PDE1A: variants seen among roughly 807,000 people sequenced by gnomAD.
PDE1A encodes the protein phosphodiesterase 1A.
Under a neutral mutation model 61.7 loss-of-function variants are expected in PDE1A, and 35 were observed. The ratio of observed to expected loss-of-function variants is 0.57; its 90% CI spans 0.43 to 0.75. The LOEUF (loss-of-function observed/expected upper bound fraction) is 0.75, where lower values mean the gene tolerates loss of function less well. Among genes scored for constraint, PDE1A ranks in the 30% least tolerant of loss-of-function variants. The probability of loss-of-function intolerance (pLI) is 0.00; values close to 1 mark genes in which losing one functional copy is unlikely to be tolerated. For synonymous variants in PDE1A, 232 were observed against 213.2 expected (o/e 1.09, Z -0.77); for missense variants, 597 against 630.6 (o/e 0.95, Z 0.57).
chr2:182,283,342 A>C (rs833138), intron 1 of PDE1A, among the ~76,000 whole-genome samples: 4,631 of 152,060 alleles, frequency 0.03, 147 homozygotes, highest in African/African-American at 0.082. Flanking sequence ...ACTGGTATAT[A>C]TCTTTGAATA....
chr2:182,327,790 A>T (rs1559341317), intron 1 of PDE1A, among the ~76,000 whole-genome samples: 1 of 152,220 alleles, frequency 6.6e-6, no homozygotes, highest in African/African-American at 2.4e-5. Flanking sequence ...TTTGTTATAG[A>T]TGATGAAGAG....
At chr2:182,496,017 C>T (rs183440905) in intron 2 of PDE1A, among the ~76,000 whole-genome samples, 7 of 152,290 alleles carry the variant, frequency 4.6e-5, no homozygotes, top group East Asian at 1.9e-4. Flanking sequence ...GATATAAGTC[C>T]TCTCAACCAT....
chr2:182,196,232 CT>C (rs1042647504), intron 10 of PDE1A, among the ~76,000 whole-genome samples: 3 of 151,864 alleles, frequency 2.0e-5, no homozygotes, highest in African/African-American at 7.2e-5. Context: ...AAATCGTTTA[CT>C]TTTAAAAATC....
the PDE1A span, among the ~76,000 whole-genome samples, chr2:182,690,956 G>C: frequency 1.3e-5 from 2 of 152,038 alleles, no homozygotes; most frequent in Admixed American, 1.3e-4. Context: ...AAAATACCTA[G>C]GAATCCAACT....
At chr2:182,506,350 G>A (rs1420972114) in intron 2 of PDE1A, among the ~76,000 whole-genome samples, 2 of 152,098 alleles carry the variant, frequency 1.3e-5, no homozygotes, top group Admixed American at 1.3e-4. Context: ...CAAATAAACA[G>A]CCATTTTATA....
At chr2:182,267,416 C>T (rs940450976) in intron 1 of PDE1A, among the ~76,000 whole-genome samples, 1 of 129,258 alleles carries the variant, frequency 7.7e-6, no homozygotes, top group Non-Finnish European at 1.6e-5. Flanking sequence ...ACCATATCCC[C>T]TCATGCACAC....
At chr2:182,540,129 C>T in the PDE1A span, among the ~76,000 whole-genome samples, 2 of 151,944 alleles carry the variant, frequency 1.3e-5, no homozygotes, top group Non-Finnish European at 2.9e-5. Flanking sequence ...TTTGGGAGGC[C>T]GAGGCAGGCG....
At chr2:182,209,658 T>G (rs1249756050) in intron 7 of PDE1A, among the ~76,000 whole-genome samples, 1 of 151,690 alleles carries the variant, frequency 6.6e-6, no homozygotes, top group African/African-American at 2.4e-5. Context: ...TGATAATGAG[T>G]GAGTTCTCAT....
chr2:182,465,516 A>C (rs1686600410), intron 2 of PDE1A, among the ~76,000 whole-genome samples: 1 of 152,120 alleles, frequency 6.6e-6, no homozygotes, highest in Admixed American at 6.6e-5. Context: ...TTTTTTAAGT[A>C]GAAAATAAGA....
At chr2:182,663,352 T>C in the PDE1A span, among the ~76,000 whole-genome samples, 1 of 152,170 alleles carries the variant, frequency 6.6e-6, no homozygotes, top group Non-Finnish European at 1.5e-5. Flanking sequence ...TAAATAGTTC[T>C]ATCATAAAGA....
At chr2:182,250,732 C>A (rs1363436380) in intron 2 of PDE1A, among the ~76,000 whole-genome samples, 1 of 152,018 alleles carries the variant, frequency 6.6e-6, no homozygotes, top group Non-Finnish European at 1.5e-5. Flanking sequence ...TAGCTCAATT[C>A]CCAAAAGGCA....
exon 1 of PDE1A, chr2:182,426,849 C>A: frequency 7.3e-7 from 1 of 1,366,878 alleles, no homozygotes; most frequent in Non-Finnish European, 9.4e-7. Context: ...GGGGCACTCC[C>A]CCACAGAGCA....
chr2:182,567,656 T>C, the PDE1A span, among the ~76,000 whole-genome samples: 1 of 152,148 alleles, frequency 6.6e-6, no homozygotes, highest in South Asian at 2.1e-4. Flanking sequence ...ATATTGCAAA[T>C]TGAAAAAATA....
At chr2:182,673,669 AAT>A in the PDE1A span, among the ~76,000 whole-genome samples, 1 of 152,044 alleles carries the variant, frequency 6.6e-6, no homozygotes, top group Non-Finnish European at 1.5e-5. Flanking sequence ...TATAAATTAA[AAT>A]AGTCATGTAT....
chr2:182,259,503 T>G (rs575487023), intron 2 of PDE1A, among the ~76,000 whole-genome samples: 1 of 152,344 alleles, frequency 6.6e-6, no homozygotes, highest in South Asian at 2.1e-4. Context: ...ATTTTACTCT[T>G]AGGCATTGTT....
At chr2:182,619,908 A>AG in the PDE1A span, among the ~76,000 whole-genome samples, 1 of 152,204 alleles carries the variant, frequency 6.6e-6, no homozygotes, top group African/African-American at 2.4e-5. Flanking sequence ...GAAGCGCAAG[A>AG]GAACACACTG....
the PDE1A span, among the ~76,000 whole-genome samples, chr2:182,634,293 G>A: frequency 6.6e-6 from 1 of 152,100 alleles, no homozygotes; most frequent in Admixed American, 6.6e-5. Flanking sequence ...TCCAAGTATG[G>A]GGACTCAGCT....
At chr2:182,226,746 T>G (rs746272087) in intron 6 of PDE1A, among the ~76,000 whole-genome samples, 2 of 149,846 alleles carry the variant, frequency 1.3e-5, no homozygotes, top group Non-Finnish European at 2.9e-5. Flanking sequence ...GTTAAGAGGA[T>G]AAATCATGAG....
downstream of PDE1A, among the ~76,000 whole-genome samples, chr2:182,166,083 G>A (rs1221907842): frequency 6.6e-6 from 1 of 152,130 alleles, no homozygotes; most frequent in Non-Finnish European, 1.5e-5. Context: ...GAGATTAGGT[G>A]TGGTTTAAAG....
Sources: allele counts gnomAD v4.1 joint callset (sites outside exome capture counted in the v4.1 genomes callset), GRCh38; gene constraint gnomAD v4.1.1; transcripts MANE v1.5; gene names NCBI Gene and HGNC (gene_info 2026-07-23, HGNC 2026-07-21).